SOS2: variants seen among roughly 807,000 people sequenced by gnomAD.
The protein encoded by SOS2 is son of sevenless homolog 2.
In SOS2, 65 loss-of-function variants were observed where a neutral mutation model predicts 148.2. The ratio of observed to expected loss-of-function variants is 0.44; its 90% CI spans 0.36 to 0.54. The LOEUF (loss-of-function observed/expected upper bound fraction) is 0.54, where lower values mean the gene tolerates loss of function less well. Among genes scored for constraint, SOS2 ranks in the 20% least tolerant of loss-of-function variants. The probability of loss-of-function intolerance (pLI) is 0.00; values close to 1 mark genes in which losing one functional copy is unlikely to be tolerated. For missense variants in SOS2, 1,341 were observed against 1,590.2 expected (o/e 0.84, Z 2.67); for synonymous variants, 539 against 537.1 (o/e 1.00, Z -0.05).
At chr14:50,156,937 A>ATG in intron 12 of SOS2, 62 bp downstream of exon 12, 8 of 710,046 alleles carry the variant, frequency 1.1e-5, no homozygotes, top group South Asian at 6.6e-5. Context: ...GACACATAAA[A>ATG]TGTGTGTGTG....
intron 1 of SOS2, among the ~76,000 whole-genome samples, chr14:50,206,701 C>G (rs951595672): frequency 3.3e-5 from 5 of 152,156 alleles, no homozygotes; most frequent in African/African-American, 1.2e-4. Flanking sequence ...CCTTAAGAAT[C>G]TAGAAGCAAA....
chr14:50,159,784 C>A lies in SOS2; in HGVS notation c.1499G>T (p.Cys500Phe), dbSNP rs1273541394. The change falls in exon 10 of 23, where the codon TGT becomes TTT. Residue 500 changes from cysteine (C) to phenylalanine (F), a missense_variant. Cys to Phe is a radical substitution (Grantham distance 205). Transcript: ENST00000216373. ...EKFVMRKIQI[C>F]DKEDTCEHKH... Reference sequence around the variant, plus strand: ...GTGCTCACAAGTATCTTCTTTATCACAAATTTGTATTTTCCTCATGACAAA... The same window carrying A: ...GTGCTCACAAGTATCTTCTTTATCAAAAATTTGTATTTTCCTCATGACAAA... The A allele has an allele frequency of 1.9e-6, 3 of 1,613,998 alleles. No individual in the cohort carries two copies. In the East Asian group the frequency reaches 6.7e-5, roughly 36 times the overall value.
chr14:50,204,573 T>A (rs909606361), intron 1 of SOS2, among the ~76,000 whole-genome samples, 164 bp from the exon 2 acceptor site: 5 of 152,224 alleles, frequency 3.3e-5, no homozygotes, highest in Non-Finnish European at 4.4e-5. Flanking sequence ...AAACTTTTCT[T>A]AACCCACAGA....
rs541794281 is a variant in SOS2 at position 50,153,883 on chromosome 14, G to A, written c.2058-710C>T. Reference sequence around the variant, plus strand: ...CCACCTCAGCCTCCCAAAGTGCTGGGATTATAGGCGTGAGCCACTGCACCC... The same window carrying A: ...CCACCTCAGCCTCCCAAAGTGCTGGAATTATAGGCGTGAGCCACTGCACCC... On this transcript the variant is annotated intron_variant, in intron 12 of 22. Transcript: ENST00000216373. Among the ~76,000 whole-genome samples the A allele has an allele frequency of 2.0e-5, 3 of 152,280 alleles. No individual in the cohort carries two copies. The South Asian group carries it at 6.2e-4, about 32-fold the overall frequency.
chr14:50,139,306 T>C (rs1309609150), intron 17 of SOS2, among the ~76,000 whole-genome samples: 1 of 152,232 alleles, frequency 6.6e-6, no homozygotes, highest in African/African-American at 2.4e-5. Flanking sequence ...CCCTTTTTCA[T>C]GCGTAATTGC....
chr14:50,139,883 T>A (rs973534409), intron 17 of SOS2, 59 bp downstream of exon 17: 2 of 779,410 alleles, frequency 2.6e-6, no homozygotes, highest in Non-Finnish European at 2.3e-6. Context: ...CTCTGAAGAC[T>A]GCTCTCTTTT....
Position 50,138,628 on chromosome 14 carries a change from A to G in SOS2, c.2942T>C (p.Ile981Thr). Residue 981 changes from isoleucine to threonine, a missense_variant, in exon 18 of 23, where the codon ATA becomes ACA. Ile to Thr is a moderately conservative substitution (Grantham distance 89). Coordinates refer to ENST00000216373, the MANE Select transcript of SOS2 (RefSeq NM_006939.4). ...QYQNQPYCLR[I>T]EPDMRRFFEN... ...AATATTTACCCTCATATCTGGTTCT[A>G]TCCGTAAACAGTAAGGCTGATTCTG... is the stretch of plus-strand genomic sequence containing the variant. 1 of 1,552,860 alleles carries G rather than the reference A, an allele frequency of 6.4e-7. No individual in the cohort carries two copies. Among genetic ancestry groups the G allele is most frequent in the Non-Finnish European group, 8.7e-7 (1 of 1,149,536 alleles).
At chr14:50,226,322 T>G (rs952039020) in intron 1 of SOS2, among the ~76,000 whole-genome samples, 2 of 152,216 alleles carry the variant, frequency 1.3e-5, no homozygotes, top group Non-Finnish European at 2.9e-5. Flanking sequence ...GCTTAAAGTC[T>G]TCTTTGACTC....
At position 50,188,511 on chromosome 14, in the gene SOS2, G is replaced by A. The variant is rs145848231; in HGVS notation, c.700C>T (p.Leu234=). ...AAGGTACTTACAGAAGGTTTAAACA[G>A]CTTTCTATCAGAAAGAAAGGCTTCT... ...FREAFLSDRK[L]FKPSDIEKIF... Residue 234 remains leucine (L), a synonymous_variant, in exon 5 of 23, where the codon CTG becomes TTG. Coordinates refer to ENST00000216373, the MANE Select transcript of SOS2 (RefSeq NM_006939.4). 1.0e-4 allele frequency: 161 copies of A among 1,598,454 alleles called. 1 individual carries two copies. The African/African-American group carries it at 1.9e-3, about 19-fold the overall frequency.
At chr14:50,145,758 G>A (rs1466176181) in intron 14 of SOS2, among the ~76,000 whole-genome samples, 162 bp from the exon 15 acceptor site, 3 of 152,112 alleles carry the variant, frequency 2.0e-5, no homozygotes, top group African/African-American at 4.8e-5. Flanking sequence ...CTACAAACAC[G>A]AAAACACACT....
At position 50,118,726 on chromosome 14, in the gene SOS2, G is replaced by T; in HGVS notation, c.3617C>A (p.Pro1206Gln). Residue 1206 changes from proline to glutamine, a missense_variant, in exon 23 of 23, where the codon CCA (proline) becomes CAA (glutamine). This residue lies in a region of SOS2 where 354 missense variants were observed against 347.7 expected (regional missense o/e 1.02). Coordinates refer to ENST00000216373, the MANE Select transcript of SOS2 (RefSeq NM_006939.4). ...FDGPLHSPPP[P>Q]PPRDPLPDTP... ...ATCAGGAAGAGGATCTCTTGGTGGT[G>T]GCGGAGGTGGACTATGCAGAGGCCC... 6.2e-7 allele frequency: 1 copy of T among 1,613,696 alleles called. No individual in the cohort carries two copies. The highest frequency in any genetic ancestry group is 8.5e-7 in the Non-Finnish European group (1 of 1,179,956).
chr14:50,180,847 GA>G (rs1476627932), intron 6 of SOS2, among the ~76,000 whole-genome samples, 165 bp from the exon 7 acceptor site: 4 of 150,452 alleles, frequency 2.7e-5, no homozygotes, highest in African/African-American at 9.8e-5. Context: ...TGTCTCAAAA[GA>G]AAAGAAAGAA....
At chr14:50,137,909 G>T (rs985863937) in intron 18 of SOS2, among the ~76,000 whole-genome samples, 1 of 152,016 alleles carries the variant, frequency 6.6e-6, no homozygotes, top group African/African-American at 2.4e-5. Flanking sequence ...GCATGATCTC[G>T]GCTCACTGCA....
chr14:50,159,681 G>A lies in SOS2; in HGVS notation c.1602C>T (p.Asn534=), dbSNP rs912154698. The A allele has an allele frequency of 1.9e-6, 3 of 1,613,998 alleles. No individual in the cohort carries two copies. The highest frequency in any genetic ancestry group is 2.5e-6 in the Non-Finnish European group (3 of 1,179,964). Residue 534 remains asparagine (N), a synonymous_variant, in exon 10 of 23, where the codon AAC becomes AAT. Transcript: ENST00000216373. ...GAAGAGAAATAAGGGCTGCCATCCA[G>A]TTGTTTTTTTCTTCAGCAGACTTAG... ...FAAKSAEEKN[N]WMAALISLHY...
intron 19 of SOS2, among the ~76,000 whole-genome samples, chr14:50,133,272 G>T: frequency 1.2e-5 from 1 of 82,256 alleles, no homozygotes. Context: ...TTTGAGACGG[G>T]GTCTTGCTCT....
intron 1 of SOS2, among the ~76,000 whole-genome samples, chr14:50,228,111 G>A (rs776783449): frequency 4.7e-5 from 7 of 148,234 alleles, no homozygotes; most frequent in South Asian, 2.2e-4. Context: ...GTGTGATCTC[G>A]GCTCACTGCA....
At chr14:50,221,962 T>C (rs560454296) in intron 1 of SOS2, among the ~76,000 whole-genome samples, 5 of 152,250 alleles carry the variant, frequency 3.3e-5, no homozygotes, top group African/African-American at 1.2e-4. Context: ...AAAAGTGCGA[T>C]TAAAGACTTA....
Position 50,118,524 on chromosome 14 carries a change from T to A in SOS2, c.3819A>T (p.Arg1273=), listed in dbSNP as rs1883384519. 6.2e-7 allele frequency: 1 copy of A among 1,614,016 alleles called. No individual in the cohort carries two copies. Among genetic ancestry groups the A allele is most frequent in the Non-Finnish European group, 8.5e-7 (1 of 1,180,022 alleles). The change falls in exon 23 of 23, where the codon CGA becomes CGT. Residue 1273 remains arginine, a synonymous_variant. Transcript: ENST00000216373. ...PSTPSPRVPR[R]CYVLSSSQNN... ...TCTGACTAGAACTGAGCACATAGCA[T>A]CGACGCGGTACCCTTGGAGAGGGTG...
intron 18 of SOS2, among the ~76,000 whole-genome samples, chr14:50,136,892 T>C (rs1391067841): frequency 1.3e-5 from 2 of 152,176 alleles, no homozygotes. Flanking sequence ...GCCCGACCTA[T>C]CATTTTTATA....
Sources: gnomAD v4.1 joint callset for allele counts (sites outside exome capture counted in the v4.1 genomes callset) on GRCh38, gnomAD v4.1.1 for gene constraint, gnomAD v4.1.1 regional missense constraint, MANE v1.5 for transcripts, NCBI Gene and HGNC (gene_info 2026-07-23, HGNC 2026-07-21) for gene names.